GALNTL6: variants seen among roughly 807,000 people sequenced by gnomAD.
GALNTL6 encodes the protein polypeptide N-acetylgalactosaminyltransferase like 6, also known as polypeptide N-acetylgalactosaminyltransferase-like 6.
In GALNTL6, 46 loss-of-function variants were observed where a neutral mutation model predicts 73.7. The observed-to-expected ratio is 0.62, with a 90% CI of 0.49 to 0.80. GALNTL6 has a LOEUF of 0.80. Ranked by LOEUF, GALNTL6 falls within the 30% of genes least tolerant of loss-of-function variation. The pLI is 0.00. For missense variants in GALNTL6, 604 were observed against 755.0 expected, an observed-to-expected ratio of 0.80 and a Z score of 2.34; for synonymous variants, 259 against 263.7, an observed-to-expected ratio of 0.98 and a Z score of 0.17.
chr4:172,820,301 C>T (rs1256298724), intron 7 of GALNTL6, among the ~76,000 whole-genome samples: 1 of 152,188 alleles, frequency 6.6e-6, no homozygotes, highest in Non-Finnish European at 1.5e-5. Context: ...TTATCAGAAC[C>T]TTATTGATGG....
chr4:173,001,254 T>A (rs933313403), intron 10 of GALNTL6, among the ~76,000 whole-genome samples: 2 of 152,188 alleles, frequency 1.3e-5, no homozygotes, highest in Non-Finnish European at 2.9e-5. Context: ...AGGCAATAAA[T>A]TGCTGTAGTT....
chr4:171,921,608 A>T (rs2110979600), intron 2 of GALNTL6, among the ~76,000 whole-genome samples: 1 of 152,220 alleles, frequency 6.6e-6, no homozygotes, highest in East Asian at 1.9e-4. Flanking sequence ...AAGCTGCAGA[A>T]ATTTACAGCC....
intron 5 of GALNTL6, among the ~76,000 whole-genome samples, chr4:172,671,863 T>C (rs1214601602): frequency 1.3e-5 from 2 of 152,110 alleles, no homozygotes; most frequent in Non-Finnish European, 2.9e-5. Context: ...GTTTGGTTTT[T>C]TGTTTTCTTG....
chr4:172,250,902 A>G (rs544235109), intron 3 of GALNTL6, among the ~76,000 whole-genome samples: 101 of 152,306 alleles, frequency 6.6e-4, no homozygotes, highest in Non-Finnish European at 1.2e-3. Context: ...TAAACATATC[A>G]GACACCTGGA....
intron 5 of GALNTL6, among the ~76,000 whole-genome samples, chr4:172,357,554 T>G (rs1422443491): frequency 6.6e-6 from 1 of 151,942 alleles, no homozygotes; most frequent in Non-Finnish European, 1.5e-5. Flanking sequence ...CTTTATTTTC[T>G]CATCTTTTTT....
intron 5 of GALNTL6, among the ~76,000 whole-genome samples, chr4:172,470,455 C>T (rs1016666170): frequency 1.3e-5 from 2 of 152,178 alleles, no homozygotes; most frequent in Non-Finnish European, 1.5e-5. Context: ...TTGAACATAC[C>T]ATCAGCACAA....
At chr4:172,631,661 C>T (rs1579263497) in intron 5 of GALNTL6, among the ~76,000 whole-genome samples, 1 of 152,134 alleles carries the variant, frequency 6.6e-6, no homozygotes, top group Non-Finnish European at 1.5e-5. Flanking sequence ...TCTTGTAAAA[C>T]TCATGTGTGG....
chr4:171,938,478 A>T (rs1303904779), intron 2 of GALNTL6, among the ~76,000 whole-genome samples: 36 of 152,314 alleles, frequency 2.4e-4, no homozygotes, highest in Non-Finnish European at 4.4e-5. Flanking sequence ...AGGAAGCACT[A>T]GTCCAGATTT....
At chr4:172,237,105 C>A (rs1316208710) in intron 3 of GALNTL6, among the ~76,000 whole-genome samples, 1 of 152,166 alleles carries the variant, frequency 6.6e-6, no homozygotes, top group Non-Finnish European at 1.5e-5. Context: ...TTTTACTTAT[C>A]CAGTCTACCA....
At chr4:171,964,835 C>A (rs1292551958) in intron 2 of GALNTL6, among the ~76,000 whole-genome samples, 4 of 152,178 alleles carry the variant, frequency 2.6e-5, no homozygotes, top group Non-Finnish European at 4.4e-5. Flanking sequence ...TGCCCAACAC[C>A]ATTCCTCTTT....
intron 5 of GALNTL6, among the ~76,000 whole-genome samples, chr4:172,570,003 A>T (rs552620098): frequency 1.6e-4 from 25 of 152,302 alleles, no homozygotes; most frequent in Non-Finnish European, 2.9e-4. Flanking sequence ...TATTTCTCTA[A>T]TAAGTCCAGT....
At chr4:172,955,699 G>A (rs552390312) in intron 10 of GALNTL6, among the ~76,000 whole-genome samples, 1 of 152,254 alleles carries the variant, frequency 6.6e-6, no homozygotes, top group Admixed American at 6.5e-5. Context: ...AACAGGCTTT[G>A]TGTGAGCAAC....
chr4:172,258,010 T>G (rs1738141441), intron 3 of GALNTL6, among the ~76,000 whole-genome samples: 1 of 151,342 alleles, frequency 6.6e-6, no homozygotes, highest in Non-Finnish European at 1.5e-5. Flanking sequence ...TGTAACATTC[T>G]CAGTATTTAG....
intron 2 of GALNTL6, among the ~76,000 whole-genome samples, chr4:171,952,509 A>C (rs991802529): frequency 3.9e-5 from 6 of 152,092 alleles, no homozygotes; most frequent in Non-Finnish European, 7.4e-5. Context: ...AGTGATGTGT[A>C]AAAATTTCAA....
chr4:172,209,353 G>C (rs1316391211), intron 2 of GALNTL6, among the ~76,000 whole-genome samples: 1 of 151,316 alleles, frequency 6.6e-6, no homozygotes, highest in Non-Finnish European at 1.5e-5. Context: ...CTCCACAAAA[G>C]GCAATCTATG....
intron 2 of GALNTL6, among the ~76,000 whole-genome samples, chr4:171,896,502 T>C (rs767928429): frequency 2.2e-4 from 33 of 152,216 alleles, no homozygotes; most frequent in Non-Finnish European, 4.7e-4. Context: ...AACAATTTAT[T>C]TCTCACGGTT....
At chr4:172,952,485 C>T (rs1337153962) in intron 10 of GALNTL6, among the ~76,000 whole-genome samples, 1 of 151,898 alleles carries the variant, frequency 6.6e-6, no homozygotes, top group African/African-American at 2.4e-5. Context: ...CTGTTGATTC[C>T]CCAGATGATT....
At chr4:173,018,435 G>A (rs1752867091) in intron 11 of GALNTL6, among the ~76,000 whole-genome samples, 1 of 152,170 alleles carries the variant, frequency 6.6e-6, no homozygotes, top group Non-Finnish European at 1.5e-5. Flanking sequence ...TTTAATTGAG[G>A]ATCTATTGTG....
intron 5 of GALNTL6, among the ~76,000 whole-genome samples, chr4:172,545,447 G>A (rs1418532239): frequency 1.3e-5 from 2 of 152,134 alleles, no homozygotes; most frequent in East Asian, 1.9e-4. Flanking sequence ...CTTCCACACG[G>A]TTACCAAATT....
Sources: gnomAD v4.1 joint callset for allele counts (sites outside exome capture counted in the v4.1 genomes callset) on GRCh38, gnomAD v4.1.1 for gene constraint, MANE v1.5 for transcripts, NCBI Gene and HGNC (gene_info 2026-07-23, HGNC 2026-07-21) for gene names.